Variants in DIS3L observed in about 807,000 individuals in gnomAD.
The protein encoded by DIS3L is DIS3-like exonuclease 1.
In DIS3L, 100 loss-of-function variants were observed where a neutral mutation model predicts 120.3. The observed-to-expected ratio is 0.83, with a 90% CI of 0.71 to 0.98. The LOEUF (loss-of-function observed/expected upper bound fraction) is 0.98, where lower values mean the gene tolerates loss of function less well. Among genes scored for constraint, DIS3L ranks in the 50% least tolerant of loss-of-function variants. The probability of loss-of-function intolerance (pLI) is 0.00; values close to 1 mark genes in which losing one functional copy is unlikely to be tolerated. For synonymous variants in DIS3L, 426 were observed against 470.6 expected (o/e 0.91, Z 1.23); for missense variants, 1,196 against 1,314.2 (o/e 0.91, Z 1.39).
At chr15:66,309,094 A>AAAAAAAAAAAAAAAATATATATATATAT in intron 4 of DIS3L, among the ~76,000 whole-genome samples, 3 of 15,320 alleles carry the variant, frequency 2.0e-4, no homozygotes, top group African/African-American at 3.9e-4. Context: ...AAAAAAAAAA[A>AAAAAAAAAAAAAAAATATATATATATAT]ATATATATAT....
chr15:66,314,967 C>A, intron 6 of DIS3L, 69 bp from the exon 7 acceptor site: 1 of 1,503,574 alleles, frequency 6.7e-7, no homozygotes, highest in African/African-American at 1.4e-5. Context: ...GTATATCATG[C>A]GCGGAATGCC....
rs767932814 is a variant in DIS3L at position 66,333,345 on chromosome 15, T to G, written c.*33T>G. 2.6e-6 allele frequency: 4 copies of G among 1,557,550 alleles called. No homozygotes were observed. Among genetic ancestry groups the G allele is most frequent in the Non-Finnish European group, 3.5e-6 (4 of 1,155,676 alleles). Reference sequence around the variant, plus strand: ...TTACTTCACTAAGAGCTGTCATATGTGAATGTTTTACAGTCTTTTCAAACT... The same window carrying G: ...TTACTTCACTAAGAGCTGTCATATGGGAATGTTTTACAGTCTTTTCAAACT... On this transcript the variant is annotated 3_prime_UTR_variant, in exon 17 of 17. Coordinates refer to ENST00000319212, the MANE Select transcript of DIS3L (RefSeq NM_001143688.3).
Position 66,322,890 on chromosome 15 carries a change from C to A in DIS3L, c.1530C>A (p.His510Gln). 6.2e-7 allele frequency: 1 copy of A among 1,614,148 alleles called. No homozygotes were observed. The highest frequency in any genetic ancestry group is 8.5e-7 in the Non-Finnish European group (1 of 1,180,028). ...GGGTCCACATCGCAGATGTAACACA[C>A]TTTGTGGCACCAAATTCTTACATTG... ...ELGVHIADVT[H>Q]FVAPNSYIDI... The change falls in exon 10 of 17, where the codon CAC (histidine) becomes CAA (glutamine). Residue 510 changes from histidine (H) to glutamine (Q), a missense_variant. By Grantham distance (24) the His-to-Gln change is conservative. Transcript: ENST00000319212.
intron 14 of DIS3L, chr15:66,331,654 TA>T: frequency 2.4e-6 from 1 of 414,706 alleles, no homozygotes; most frequent in African/African-American, 2.1e-5. Context: ...TCATGAACTA[TA>T]AATGGGTTTC....
At chr15:66,320,761 G>C in intron 9 of DIS3L, 29 bp downstream of exon 9, 6 of 1,593,482 alleles carry the variant, frequency 3.8e-6, no homozygotes, top group Non-Finnish European at 5.1e-6. Context: ...CTTTGATCTA[G>C]TGACATTTTC....
intron 9 of DIS3L, among the ~76,000 whole-genome samples, chr15:66,322,012 A>G (rs2092889669): frequency 6.6e-6 from 1 of 152,234 alleles, no homozygotes; most frequent in African/African-American, 2.4e-5. Flanking sequence ...GGGAGCTATC[A>G]TAGTAAACTA....
intron 2 of DIS3L, among the ~76,000 whole-genome samples, chr15:66,298,528 C>T (rs1447046638): frequency 6.6e-6 from 1 of 152,122 alleles, no homozygotes; most frequent in Non-Finnish European, 1.5e-5. Context: ...AACAAAATCA[C>T]CAGAGTTAGG....
At chr15:66,323,437 A>C in intron 10 of DIS3L, 56 bp from the exon 11 acceptor site, 1 of 1,573,162 alleles carries the variant, frequency 6.4e-7, no homozygotes, top group South Asian at 1.1e-5. Context: ...CCACACAGTC[A>C]GCAGTTCTGC....
intron 12 of DIS3L, among the ~76,000 whole-genome samples, chr15:66,327,554 G>C (rs1459407919): frequency 6.6e-6 from 1 of 151,550 alleles, no homozygotes; most frequent in African/African-American, 2.4e-5. Context: ...TCAGGAGATC[G>C]AGACCATTCT....
chr15:66,293,614 G>A lies in DIS3L; in HGVS notation c.18G>A (p.Glu6=). The A allele has an allele frequency of 6.9e-7, 1 of 1,445,188 alleles. No individual in the cohort carries two copies. The highest frequency in any genetic ancestry group is 9.1e-7 in the Non-Finnish European group (1 of 1,101,264). 89.5% of individuals were successfully genotyped at this position (1,445,188 alleles called of 1,614,324 possible). Residue 6 remains glutamate (E), a synonymous_variant, in exon 1 of 17, where the codon GAG becomes GAA. Coordinates refer to ENST00000319212, the MANE Select transcript of DIS3L (RefSeq NM_001143688.3). MLQKR[E]KVLLLRTFQG... ...ACGCCGCCATGCTGCAGAAGCGGGA[G>A]AAGGTGCTGCTGCTGAGGACCTTCC...
intron 7 of DIS3L, among the ~76,000 whole-genome samples, chr15:66,317,712 C>T (rs78627437): frequency 0.014 from 2,113 of 152,034 alleles, 27 homozygotes; most frequent in South Asian, 0.041. Context: ...TATGATGGCA[C>T]GTGCCTATAG....
At chr15:66,321,131 C>T (rs2092878922) in intron 9 of DIS3L, among the ~76,000 whole-genome samples, 1 of 152,208 alleles carries the variant, frequency 6.6e-6, no homozygotes, top group African/African-American at 2.4e-5. Context: ...GGGATCCATA[C>T]ATCTCCAACC....
intron 2 of DIS3L, among the ~76,000 whole-genome samples, chr15:66,303,319 G>A (rs2092667501): frequency 6.6e-6 from 1 of 152,138 alleles, no homozygotes; most frequent in Non-Finnish European, 1.5e-5. Flanking sequence ...CCAGAAGTGG[G>A]ATTACTGGAT....
intron 8 of DIS3L, among the ~76,000 whole-genome samples, chr15:66,320,061 C>T (rs1393700009): frequency 1.2e-4 from 18 of 151,758 alleles, no homozygotes; most frequent in African/African-American, 4.1e-4. Flanking sequence ...GAGGCATAGG[C>T]TGCAGTGAGC....
intron 4 of DIS3L, among the ~76,000 whole-genome samples, chr15:66,311,050 TAAAAA>T (rs34815047): frequency 1.1e-5 from 1 of 88,552 alleles, no homozygotes; most frequent in Non-Finnish European, 2.2e-5. Flanking sequence ...CCCTGTCCCT[TAAAAA>T]AAAAAAAAAA....
intron 2 of DIS3L, 46 bp from the exon 3 acceptor site, chr15:66,306,774 GTGGA>G (rs1555401529): frequency 1.9e-6 from 3 of 1,608,296 alleles, no homozygotes; most frequent in Non-Finnish European, 2.6e-6. Flanking sequence ...AGAGATAGCA[GTGGA>G]TGAGTACCTG....
At chr15:66,313,877 A>ATT (rs1368298201) in intron 5 of DIS3L, among the ~76,000 whole-genome samples, 162 bp from the exon 6 acceptor site, 1 of 149,656 alleles carries the variant, frequency 6.7e-6, no homozygotes. Flanking sequence ...ATATATATAT[A>ATT]TATGTGTGTG....
chr15:66,294,291 G>T, intron 1 of DIS3L: 4 of 985,512 alleles, frequency 4.1e-6, no homozygotes, highest in Non-Finnish European at 4.8e-6. Context: ...GGGGAAGTTG[G>T]ACTGGGGACT....
intron 7 of DIS3L, among the ~76,000 whole-genome samples, chr15:66,315,579 C>T: frequency 6.6e-6 from 1 of 152,010 alleles, no homozygotes; most frequent in East Asian, 1.9e-4. Flanking sequence ...GATATAGTCT[C>T]TTCCTCTCCA....
Sources: allele counts gnomAD v4.1 joint callset (sites outside exome capture counted in the v4.1 genomes callset), GRCh38; gene constraint gnomAD v4.1.1; transcripts MANE v1.5; gene names NCBI Gene and HGNC (gene_info 2026-07-23, HGNC 2026-07-21).